The following IQCM variants were observed in gnomAD, a reference collection of about 807,000 sequenced individuals.
IQCM encodes IQ motif containing M, also known as IQ domain-containing protein M.
Under a neutral mutation model 57.6 loss-of-function variants are expected in IQCM, and 45 were observed. The observed-to-expected ratio is 0.78, with a 90% confidence interval of 0.62 to 1.00. IQCM has a LOEUF of 1.00. Among genes scored for constraint, IQCM ranks in the 50% least tolerant of loss-of-function variants. The probability of loss-of-function intolerance (pLI) is 0.00; values close to 1 mark genes in which losing one functional copy is unlikely to be tolerated. For missense variants in IQCM, 468 were observed against 511.6 expected, an observed-to-expected ratio of 0.91 and a Z score of 0.82; for synonymous variants, 148 against 158.9, an observed-to-expected ratio of 0.93 and a Z score of 0.51.
At chr4:149,650,677 A>G (rs1227719407) in intron 7 of IQCM, among the ~76,000 whole-genome samples, 1 of 152,132 alleles carries the variant, frequency 6.6e-6, no homozygotes, top group African/African-American at 2.4e-5. Flanking sequence ...GGCATGAACA[A>G]CCGCTTCCAG....
intron 13 of IQCM, among the ~76,000 whole-genome samples, chr4:149,364,829 G>A (rs1459462543): frequency 6.6e-6 from 1 of 152,016 alleles, no homozygotes; most frequent in African/African-American, 2.4e-5. Flanking sequence ...TGTGCAACCT[G>A]GAAATATAAG....
chr4:149,482,077 T>C (rs1174551239), intron 12 of IQCM, among the ~76,000 whole-genome samples: 2 of 151,900 alleles, frequency 1.3e-5, no homozygotes, highest in African/African-American at 2.4e-5. Context: ...CTTTTTTGGA[T>C]TGTTCACTGT....
At chr4:149,395,032 A>C (rs1394537908) in intron 13 of IQCM, among the ~76,000 whole-genome samples, 1 of 152,006 alleles carries the variant, frequency 6.6e-6, no homozygotes, top group East Asian at 1.9e-4. Flanking sequence ...CCACCAAATA[A>C]AACCTAGCTA....
intron 6 of IQCM, among the ~76,000 whole-genome samples, chr4:149,685,203 G>T (rs900171950): frequency 1.3e-5 from 2 of 151,430 alleles, no homozygotes; most frequent in Admixed American, 6.6e-5. Flanking sequence ...TACTGAAAAT[G>T]ATTTTCAAAT....
At chr4:149,444,383 A>C (rs2111354018) in intron 12 of IQCM, among the ~76,000 whole-genome samples, 1 of 152,026 alleles carries the variant, frequency 6.6e-6, no homozygotes, top group South Asian at 2.1e-4. Context: ...TTTGGGTGAT[A>C]TATTTCTAAC....
intron 7 of IQCM, among the ~76,000 whole-genome samples, chr4:149,670,481 C>T (rs919333088): frequency 6.6e-6 from 1 of 152,136 alleles, no homozygotes; most frequent in Non-Finnish European, 1.5e-5. Context: ...CTTTATCCTG[C>T]CTGATTGCCC....
intron 12 of IQCM, among the ~76,000 whole-genome samples, chr4:149,471,887 T>C (rs928822853): frequency 2.0e-5 from 3 of 152,156 alleles, no homozygotes; most frequent in African/African-American, 4.8e-5. Flanking sequence ...ATGATCTCAA[T>C]AGATGCAGAA....
At chr4:149,445,793 A>T (rs1249103246) in intron 12 of IQCM, among the ~76,000 whole-genome samples, 1 of 151,848 alleles carries the variant, frequency 6.6e-6, no homozygotes, top group Non-Finnish European at 1.5e-5. Flanking sequence ...TTCAAGCAGC[A>T]TCAACATGTT....
chr4:149,667,257 G>T (rs2150168273), intron 7 of IQCM, among the ~76,000 whole-genome samples: 1 of 152,258 alleles, frequency 6.6e-6, no homozygotes, highest in African/African-American at 2.4e-5. Context: ...TAGCTGTTCT[G>T]CAGCCTCTGC....
chr4:149,429,813 A>G (rs1182117382), intron 13 of IQCM: 1 of 387,686 alleles, frequency 2.6e-6, no homozygotes, highest in African/African-American at 2.1e-5. Context: ...AGTCAATTTA[A>G]TAACCATGTA....
At chr4:149,445,363 C>T (rs1218420524) in intron 12 of IQCM, among the ~76,000 whole-genome samples, 1 of 151,776 alleles carries the variant, frequency 6.6e-6, no homozygotes, top group Non-Finnish European at 1.5e-5. Flanking sequence ...CAGTTTTAGA[C>T]ATAAAACATA....
intron 4 of IQCM, among the ~76,000 whole-genome samples, chr4:149,734,851 T>G (rs1162282292): frequency 6.6e-6 from 1 of 152,126 alleles, no homozygotes; most frequent in African/African-American, 2.4e-5. Flanking sequence ...ATTCAGCAAA[T>G]ATTTATTGAG....
At position 149,649,723 on chromosome 4, in the gene IQCM, T is replaced by C. The variant is rs192688862; in HGVS notation, c.566-28479A>G. On this transcript the variant is annotated intron_variant, in intron 7 of 13. Coordinates refer to ENST00000636793, the MANE Select transcript of IQCM (RefSeq NM_001363507.2). ...CAAGGCCTCCATTTCTTTGACTGCA[T>C]GGTAACAACTTTTAAAGACTTACTA... Among the ~76,000 whole-genome samples, 271 of 152,258 alleles carry C rather than the reference T, an allele frequency of 1.8e-3. 2 individuals carry two copies. Among genetic ancestry groups the C allele is most frequent in the African/African-American group, 6.1e-3 (254 of 41,560 alleles).
Position 149,644,640 on chromosome 4 carries a change from TTCCTGTATGTTCA to T in IQCM, c.566-23409_566-23397del, listed in dbSNP as rs1758487601. Among the ~76,000 whole-genome samples the T allele has an allele frequency of 3.9e-5, 6 of 152,328 alleles. 1 individual carries two copies. The highest frequency in any genetic ancestry group is 3.9e-4 in the Admixed American group (6 of 15,302). On this transcript the variant is annotated intron_variant, in intron 7 of 13. Transcript: ENST00000636793. The stretch of plus-strand genomic sequence containing the variant: ...ATTACAGAGTATGCTGCTGTGAACA[TTCCTGTATGTTCA>T]TCCTGGGGTACAAATGCAAGAGGTT...
At chr4:149,435,410 T>C (rs1735260650) in intron 12 of IQCM, among the ~76,000 whole-genome samples, 3 of 152,084 alleles carry the variant, frequency 2.0e-5, no homozygotes, top group Non-Finnish European at 2.9e-5. Flanking sequence ...ATGTTTATGA[T>C]GATGCTGGTG....
At chr4:149,563,588 A>G in intron 10 of IQCM, 104 bp downstream of exon 10, 1 of 553,508 alleles carries the variant, frequency 1.8e-6, no homozygotes, top group Non-Finnish European at 2.5e-6. Context: ...CTCTATCTCC[A>G]AAAAAAAAAG....
intron 12 of IQCM, among the ~76,000 whole-genome samples, chr4:149,491,156 C>A (rs984860178): frequency 5.9e-5 from 9 of 151,884 alleles, no homozygotes; most frequent in African/African-American, 2.2e-4. Context: ...AACAGGTGAC[C>A]ATAACTCTTT....
At chr4:149,457,729 T>C (rs13106102) in intron 12 of IQCM, among the ~76,000 whole-genome samples, 14 of 152,054 alleles carry the variant, frequency 9.2e-5, no homozygotes, top group Non-Finnish European at 2.1e-4. Flanking sequence ...CGTTATGGTT[T>C]AAAGATGTGA....
intron 8 of IQCM, among the ~76,000 whole-genome samples, chr4:149,610,653 A>T (rs1755198118): frequency 6.6e-6 from 1 of 152,052 alleles, no homozygotes; most frequent in South Asian, 2.1e-4. Flanking sequence ...TGCTGGGAAA[A>T]CTGAACATCC....
Sources: allele counts gnomAD v4.1 joint callset (sites outside exome capture counted in the v4.1 genomes callset), GRCh38; gene constraint gnomAD v4.1.1; transcripts MANE v1.5; gene names NCBI Gene and HGNC (gene_info 2026-07-23, HGNC 2026-07-21).